The following CCR7 variants were observed in gnomAD, a reference collection of about 807,000 sequenced individuals.
The protein encoded by CCR7 is C-C chemokine receptor type 7.
A neutral mutation model predicts 26.0 loss-of-function variants in CCR7; 11 were observed. That is an observed-to-expected ratio of 0.42 (90% CI 0.27 to 0.70). The LOEUF is 0.70. Among genes scored for constraint, CCR7 ranks in the 30% least tolerant of loss-of-function variants. The pLI is 0.23. For synonymous variants in CCR7, 189 were observed against 202.1 expected (o/e 0.94, Z 0.55); for missense variants, 360 against 504.0 (o/e 0.71, Z 2.74).
intron 1 of CCR7, among the ~76,000 whole-genome samples, chr17:40,560,201 T>A (rs1042734152): frequency 6.6e-6 from 1 of 152,176 alleles, no homozygotes; most frequent in African/African-American, 2.4e-5. Flanking sequence ...TTTGCCTAGA[T>A]GTTTTAGCTT....
In CCR7 at chr17:40,565,469, G is replaced by C. The variant is rs375235901; in HGVS notation, c.-60C>G. On this transcript the variant is annotated 5_prime_UTR_variant, in exon 1 of 3. Coordinates refer to ENST00000246657, the MANE Select transcript of CCR7 (RefSeq NM_001838.4). ...CTGTGCCCGGCCTCGCACTACCCCT[G>C]TCTGGGGAGGAAGTGGTTCAAGCCC... The C allele has an allele frequency of 1.3e-6, 2 of 1,570,874 alleles. No individual in the cohort carries two copies. The highest frequency in any genetic ancestry group is 1.8e-6 in the Non-Finnish European group (2 of 1,140,602).
intron 1 of CCR7, among the ~76,000 whole-genome samples, chr17:40,564,488 T>C (rs1366766076): frequency 6.6e-6 from 1 of 152,182 alleles, no homozygotes; most frequent in Non-Finnish European, 1.5e-5. Context: ...TGTTTGCTGG[T>C]GAGACAAGCC....
At chr17:40,562,331 G>C (rs571493047) in intron 1 of CCR7, among the ~76,000 whole-genome samples, 60 of 152,292 alleles carry the variant, frequency 3.9e-4, no homozygotes, top group African/African-American at 1.4e-3. Context: ...ATTTGAACAG[G>C]ATAGCAAGGT....
intron 2 of CCR7, 100 bp downstream of exon 2, chr17:40,558,793 T>G (rs1597723711): frequency 1.0e-6 from 1 of 1,004,522 alleles, no homozygotes. Flanking sequence ...TATGTCTGGG[T>G]CTTGTATCTT....
At position 40,555,793 on chromosome 17, in the gene CCR7, G is replaced by A. The variant is rs779737131; in HGVS notation, c.86C>T (p.Thr29Met). The A allele has an allele frequency of 1.2e-6, 2 of 1,613,652 alleles. No homozygotes were observed. The highest frequency in any genetic ancestry group is 1.3e-5 in the African/African-American group (1 of 74,912). Residue 29 changes from threonine (T) to methionine (M), a missense_variant, in exon 3 of 3, where the codon ACG becomes ATG. Thr to Met is a moderately conservative substitution (Grantham distance 81, BLOSUM62 -1). Coordinates refer to ENST00000246657, the MANE Select transcript of CCR7 (RefSeq NM_001838.4). This position sits in a 1 kb window ranked among gnomAD's most constrained non-coding sequence, Gnocchi z 5.6. ...FQVCLCQDEVTDDYIGDNTTV... is the reference protein window; with the variant it reads ...FQVCLCQDEVMDDYIGDNTTV... ...GGTGTTGTCTCCGATGTAATCGTCC[G>A]TGACCTCATCTTGACACAGGCATAC...
At chr17:40,556,241 A>T (rs1284376066) in intron 2 of CCR7, among the ~76,000 whole-genome samples, 4 of 152,166 alleles carry the variant, frequency 2.6e-5, no homozygotes, top group African/African-American at 9.7e-5. Context: ...ATCTCAAGTG[A>T]TGGGTCTAGG....
In CCR7 at chr17:40,554,653, G is replaced by T; in HGVS notation, c.*89C>A. ...TGCTTTTCCCTGAGCAGCTTTTGGC[G>T]GGGGGATGTCCTGAGTCATTGCATC... is the stretch of plus-strand genomic sequence containing the variant. On this transcript the variant is annotated 3_prime_UTR_variant, in exon 3 of 3. Coordinates refer to ENST00000246657, the MANE Select transcript of CCR7 (RefSeq NM_001838.4). 5 of 1,010,264 alleles carry T rather than the reference G, an allele frequency of 4.9e-6. No homozygotes were observed. The highest frequency in any genetic ancestry group is 4.7e-5 in the South Asian group (3 of 64,232). 62.6% of individuals were successfully genotyped at this position (1,010,264 alleles called of 1,614,324 possible).
intron 1 of CCR7, among the ~76,000 whole-genome samples, chr17:40,562,746 T>TCCG (rs1442928587): frequency 6.6e-6 from 1 of 152,054 alleles, no homozygotes; most frequent in Non-Finnish European, 1.5e-5. Context: ...CACCCTCCCC[T>TCCG]CCGCTTGCTT....
intron 1 of CCR7, among the ~76,000 whole-genome samples, chr17:40,564,747 C>T (rs749374168): frequency 1.6e-4 from 24 of 152,192 alleles, no homozygotes; most frequent in Non-Finnish European, 2.9e-4. Flanking sequence ...GCTGAGTGCC[C>T]CTTGCCATCC....
chr17:40,562,477 T>C (rs554826979), intron 1 of CCR7, among the ~76,000 whole-genome samples: 48 of 152,034 alleles, frequency 3.2e-4, no homozygotes, highest in Admixed American at 2.6e-3. Flanking sequence ...TCCCCCAACA[T>C]CCCGGCCCCC....
chr17:40,557,402 C>T lies in CCR7; in HGVS notation c.60+1491G>A, dbSNP rs375229252. Reference sequence around the variant, plus strand: ...ATCCATTTATGCTGGAGGGATTCACCGCATCTTGTCTCTATCTCTTTTTCA... The same window carrying T: ...ATCCATTTATGCTGGAGGGATTCACTGCATCTTGTCTCTATCTCTTTTTCA... On this transcript the variant is annotated intron_variant, in intron 2 of 2. Transcript: ENST00000246657. Among the ~76,000 whole-genome samples, 18 of 152,226 alleles carry T rather than the reference C, an allele frequency of 1.2e-4. No homozygotes were observed. The South Asian group carries it at 1.2e-3, about 11-fold the overall frequency.
Position 40,558,917 on chromosome 17 carries a change from C to T in CCR7, c.36G>A (p.Val12=), listed in dbSNP as rs768892070. 8 of 1,613,278 alleles carry T rather than the reference C, an allele frequency of 5.0e-6. No homozygotes were observed. Among genetic ancestry groups the T allele is most frequent in the Non-Finnish European group, 4.2e-6 (5 of 1,179,654 alleles). ...DLGKPMKSVL[V]VALLVIFQVC... is the part of the protein sequence containing the mutation. ...CCTGGAAAATGACAAGGAGAGCCAC[C>T]ACCAGCACGCTTTTCATTGGTTTCC... The change falls in exon 2 of 3, where the codon GTG becomes GTA. Residue 12 remains valine (V), a synonymous_variant. Coordinates refer to ENST00000246657, the MANE Select transcript of CCR7 (RefSeq NM_001838.4).
chr17:40,558,849 C>T (rs750914678), intron 2 of CCR7, 44 bp downstream of exon 2: 32 of 1,568,586 alleles, frequency 2.0e-5, no homozygotes, highest in Non-Finnish European at 2.5e-5. Flanking sequence ...CTTGGGAGGC[C>T]GTGTGGAGAA....
chr17:40,555,930 T>C lies in CCR7; in HGVS notation c.61-112A>G. ...TTTCTTTTTTTTTTTTCTTGAGACA[T>C]GGTCTCACTCTGTTGCCCAGGCTGG... On this transcript the variant is annotated intron_variant, in intron 2 of 2. Coordinates refer to ENST00000246657, the MANE Select transcript of CCR7 (RefSeq NM_001838.4). This position sits in a 1 kb window ranked among gnomAD's most constrained non-coding sequence, Gnocchi z 5.6. 2.8e-6 allele frequency: 2 copies of C among 712,194 alleles called. No homozygotes were observed. Among genetic ancestry groups the C allele is most frequent in the Non-Finnish European group, 4.6e-6 (2 of 431,148 alleles). 44.1% of individuals were successfully genotyped at this position (712,194 alleles called of 1,614,324 possible).
intron 1 of CCR7, among the ~76,000 whole-genome samples, chr17:40,559,306 C>G (rs1227726314): frequency 6.6e-6 from 1 of 152,218 alleles, no homozygotes; most frequent in East Asian, 1.9e-4. Flanking sequence ...GTCTGAGTGC[C>G]CCCTCCCACT....
rs772091349 is a variant in CCR7, at chr17:40,554,946, G to A, written c.933C>T (p.Thr311=). Residue 311 remains threonine, a synonymous_variant, in exon 3 of 3, where the codon ACC becomes ACT. Transcript: ENST00000246657. ...SKQLNIAYDV[T]YSLACVRCCV... is the part of the protein sequence containing the mutation. The stretch of plus-strand genomic sequence containing the variant: ...AGCAGCGGACGCAGGCCAGGCTGTA[G>A]GTGACGTCGTAGGCGATGTTGAGTT... 6.2e-7 allele frequency: 1 copy of A among 1,614,222 alleles called. No individual in the cohort carries two copies.
intron 1 of CCR7, among the ~76,000 whole-genome samples, chr17:40,562,382 C>T (rs942290891): frequency 6.6e-6 from 1 of 152,076 alleles, no homozygotes; most frequent in Non-Finnish European, 1.5e-5. Context: ...TTCTGATGAG[C>T]CTGCTGCATC....
intron 1 of CCR7, among the ~76,000 whole-genome samples, chr17:40,564,322 T>A (rs1183894079): frequency 1.3e-5 from 2 of 152,206 alleles, no homozygotes; most frequent in Non-Finnish European, 2.9e-5. Flanking sequence ...TTCACAGCTG[T>A]TTGCTGGGTC....
chr17:40,557,507 C>T (rs1470015025), intron 2 of CCR7, among the ~76,000 whole-genome samples: 1 of 152,224 alleles, frequency 6.6e-6, no homozygotes, highest in African/African-American at 2.4e-5. Context: ...TTTTCTTTGG[C>T]CATTGCTAGC....
Sources: gnomAD v4.1 joint callset for allele counts (sites outside exome capture counted in the v4.1 genomes callset) on GRCh38, gnomAD v4.1.1 for gene constraint, Gnocchi (gnomAD v3.1) non-coding constraint, MANE v1.5 for transcripts, NCBI Gene and HGNC (gene_info 2026-07-23, HGNC 2026-07-21) for gene names.